NEB: variants seen among roughly 807,000 people sequenced by gnomAD.
NEB encodes the protein nemaline myopathy type 2.
In NEB, 512 loss-of-function variants were observed where a neutral mutation model predicts 952.2. The observed-to-expected ratio is 0.54, with a 90% CI of 0.50 to 0.58. The LOEUF is 0.58. Ranked by LOEUF, NEB falls within the 20% of genes least tolerant of loss-of-function variation. NEB has a pLI of 0.00. For missense variants in NEB, 8,428 were observed against 9,231.1 expected (o/e 0.91, Z 3.56); for synonymous variants, 2,900 against 3,149.8 (o/e 0.92, Z 2.66).
In NEB at chr2:151,650,280, T is replaced by C. The variant is rs2099016757; in HGVS notation, c.7327A>G (p.Ser2443Gly). ...GGAGGCTGACGATATTTCTTCTCAC[T>C]GATGATTTCCGAAGCCCGCTTGTTC... is the stretch of plus-strand genomic sequence containing the variant. ...EKNKRASEII[S>G]EKKYRQPPDR... Residue 2443 changes from serine (S) to glycine (G), a missense_variant, in exon 54 of 182, where the codon AGT becomes GGT. This residue lies in a region of NEB where 1,772 missense variants were observed against 1,960.3 expected (regional missense o/e 0.90). Coordinates refer to ENST00000397345, the MANE Select transcript of NEB (RefSeq NM_001164508.2). 1 of 1,613,908 alleles carries C rather than the reference T, an allele frequency of 6.2e-7. No individual in the cohort carries two copies. The highest frequency in any genetic ancestry group is 1.3e-5 in the African/African-American group (1 of 75,044).
chr2:151,498,168 G>T, intron 170 of NEB, 92 bp downstream of exon 170: 1 of 1,542,648 alleles, frequency 6.5e-7, no homozygotes, highest in Non-Finnish European at 8.8e-7. Flanking sequence ...AAGCAAAGAA[G>T]GGAAATGGGC....
chr2:151,499,442 C>G (rs1278459105), intron 168 of NEB, 52 bp from the exon 169 acceptor site: 4 of 960,876 alleles, frequency 4.2e-6, no homozygotes, highest in Non-Finnish European at 6.5e-6. Flanking sequence ...CAAAACAGCC[C>G]TTTCATCTAC....
Position 151,709,726 on chromosome 2 carries a change from TG to T in NEB, c.964del (p.Gln322ArgfsTer14). ...YQEDFENMKDQIYFMQTETPE... is the reference protein window; with the variant it reads ...YQEDFENMKDXIYFMQTETPE... ...TGTTTCGGTCTGCATGAAGTAGATC[TG>T]GTCTTTCATGTTTTCAAAATCTTCC... On this transcript the variant is annotated frameshift_variant, in exon 12 of 182. Coordinates refer to ENST00000397345, the MANE Select transcript of NEB (RefSeq NM_001164508.2). LOFTEE classifies it high-confidence loss of function. The T allele has an allele frequency of 6.2e-7, 1 of 1,605,506 alleles. No homozygotes were observed. Among genetic ancestry groups the T allele is most frequent in the Non-Finnish European group, 8.5e-7 (1 of 1,175,378 alleles).
At chr2:151,697,800 C>T (rs2099606880) in intron 13 of NEB, among the ~76,000 whole-genome samples, 152 bp from the exon 14 acceptor site, 1 of 152,228 alleles carries the variant, frequency 6.6e-6, no homozygotes, top group East Asian at 1.9e-4. Flanking sequence ...GGTGCGGCGG[C>T]TCACGCCTGT....
intron 173 of NEB, among the ~76,000 whole-genome samples, chr2:151,494,812 C>G (rs1196463409): frequency 6.6e-6 from 1 of 152,104 alleles, no homozygotes; most frequent in Non-Finnish European, 1.5e-5. Flanking sequence ...CCATGCCCGG[C>G]TAATTTTTGT....
chr2:151,691,947 C>G lies in NEB; in HGVS notation c.2128G>C (p.Glu710Gln). 1 of 1,611,216 alleles carries G rather than the reference C, an allele frequency of 6.2e-7. No homozygotes were observed. Among genetic ancestry groups the G allele is most frequent in the East Asian group, 2.2e-5 (1 of 44,862 alleles). Residue 710 changes from glutamate (E) to glutamine (Q), a missense_variant, in exon 23 of 182, where the codon GAA becomes CAA. Physicochemically the swap from Glu to Gln is conservative, Grantham distance 29. Coordinates refer to ENST00000397345, the MANE Select transcript of NEB (RefSeq NM_001164508.2). ...AAATAGCATTTTCCTTTATCTTCTT[C>G]ATATTCTGCTTTGTAACTTTTCTAT... is the stretch of plus-strand genomic sequence containing the variant. ...NSDKSYKAEY[E>Q]EDKGKCYFPQ...
chr2:151,616,041 T>C lies in NEB; in HGVS notation c.11250A>G (p.Pro3750=), dbSNP rs1192647879. The change falls in exon 76 of 182, where the codon CCA becomes CCG. Residue 3750 remains proline, a synonymous_variant. Coordinates refer to ENST00000397345, the MANE Select transcript of NEB (RefSeq NM_001164508.2). ...CTCTTGAAGCCTTGGCTGCTTGGAT[T>C]GGAATGGCATCCAGACGCAAGTCAT... ...EGYDLRLDAI[P]IQAAKASRDI... 2 of 1,613,338 alleles carry C rather than the reference T, an allele frequency of 1.2e-6. No homozygotes were observed. The highest frequency in any genetic ancestry group is 1.7e-6 in the Non-Finnish European group (2 of 1,179,668).
chr2:151,513,780 C>T, intron 159 of NEB, 87 bp from the exon 160 acceptor site: 1 of 882,170 alleles, frequency 1.1e-6, no homozygotes. Context: ...ATCCACATAA[C>T]ACGCCACCCC....
At chr2:151,494,809 C>T (rs572507208) in intron 173 of NEB, among the ~76,000 whole-genome samples, 47 of 152,080 alleles carry the variant, frequency 3.1e-4, no homozygotes, top group African/African-American at 9.6e-4. Flanking sequence ...CCACCATGCC[C>T]GGCTAATTTT....
chr2:151,506,918 ATTC>A lies in NEB; in HGVS notation c.23544_23546del (p.Lys7848del). On this transcript the variant is annotated inframe_deletion, in exon 163 of 182. Transcript: ENST00000397345. Reference sequence around the variant, plus strand: ...TAAATAGTAAATATACCGAGCTGAAATTCTTCTGATTTTCTTTTACACGCAGTA... The same window carrying A: ...TAAATAGTAAATATACCGAGCTGAAATTCTGATTTTCTTTTACACGCAGTA... The A allele has an allele frequency of 6.3e-7, 1 of 1,598,234 alleles. No homozygotes were observed. The highest frequency in any genetic ancestry group is 2.2e-5 in the East Asian group (1 of 44,692).
At chr2:151,631,448 C>T (rs1166224439) in intron 65 of NEB, 102 bp from the exon 66 acceptor site, 35 of 1,277,192 alleles carry the variant, frequency 2.7e-5, no homozygotes, top group South Asian at 4.7e-5. Context: ...GTTTTCTATT[C>T]GTAGAAAACA....
chr2:151,724,815 A>C, intron 7 of NEB, 42 bp downstream of exon 7: 1 of 1,522,882 alleles, frequency 6.6e-7, no homozygotes, highest in Non-Finnish European at 9.1e-7. Context: ...GAGGTGATGC[A>C]CATGCTACTG....
At chr2:151,648,947 G>C (rs932088125) in intron 54 of NEB, among the ~76,000 whole-genome samples, 2 of 152,192 alleles carry the variant, frequency 1.3e-5, no homozygotes, top group South Asian at 4.1e-4. Context: ...CCTGAGGCCT[G>C]AGAGCTCCAT....
At chr2:151,659,267 T>G (rs1227137814) in intron 46 of NEB, 98 bp from the exon 47 acceptor site, 6 of 653,954 alleles carry the variant, frequency 9.2e-6, no homozygotes, top group African/African-American at 1.9e-5. Flanking sequence ...TTTCATGTAT[T>G]TTTATTAGCT....
Position 151,572,298 on chromosome 2 carries a change from G to T in NEB, c.17014-1697C>A, listed in dbSNP as rs146257939. 5.7e-3 allele frequency among the ~76,000 whole-genome samples: 861 copies of T among 151,796 alleles called. 11 individuals are homozygous for T. Among genetic ancestry groups the T allele is most frequent in the African/African-American group, 0.02 (815 of 41,386 alleles). On this transcript the variant is annotated intron_variant, in intron 107 of 181. Coordinates refer to ENST00000397345, the MANE Select transcript of NEB (RefSeq NM_001164508.2). ...GATCACGCCACTGTACTCCAGCCTG[G>T]GTGACAGAGCAAGACTCCCTCTCAA... is the stretch of plus-strand genomic sequence containing the variant.
Position 151,570,303 on chromosome 2 carries a change from G to A in NEB, c.17208C>T (p.Leu5736=), listed in dbSNP as rs1296709078. ...ARDDNKIRWA[L]IADKLQNERE... Reference sequence around the variant, plus strand: ...GTTCATTCTGGAGCTTGTCAGCTATGAGGGCCCAGCGGATCTTGTTGTCAT... The same window carrying A: ...GTTCATTCTGGAGCTTGTCAGCTATAAGGGCCCAGCGGATCTTGTTGTCAT... The change falls in exon 109 of 182, where the codon CTC becomes CTT. Residue 5736 remains leucine, a synonymous_variant. Transcript: ENST00000397345. 3.7e-6 allele frequency: 6 copies of A among 1,612,640 alleles called. No individual in the cohort carries two copies. Among genetic ancestry groups the A allele is most frequent in the East Asian group, 4.5e-5 (2 of 44,806 alleles).
In NEB at chr2:151,516,443, GGTTT is replaced by G. The variant is rs2077759145; in HGVS notation, c.22905+12_22905+15del. 7.8e-6 allele frequency: 12 copies of G among 1,545,174 alleles called. No individual in the cohort carries two copies. Among genetic ancestry groups the G allele is most frequent in the Non-Finnish European group, 1.1e-5 (12 of 1,118,974 alleles). ...GTGATGGATCATTGTTGTGTGGTGT[GGTTT>G]TTTTGACTTACCCCACTCTGCATCT... On this transcript the variant is annotated intron_variant, in intron 157 of 181. Coordinates refer to ENST00000397345, the MANE Select transcript of NEB (RefSeq NM_001164508.2).
intron 10 of NEB, chr2:151,716,130 C>CTTTTTTTTTTTTTTTTTTTTTTTTTTTTT: frequency 2.7e-6 from 1 of 366,066 alleles, no homozygotes; most frequent in Non-Finnish European, 5.5e-6. Flanking sequence ...CACTTTCTTT[C>CTTTTTTTTTTTTTTTTTTTTTTTTTTTTT]TTTTTTTTTT....
At chr2:151,648,751 G>T (rs1027760842) in intron 54 of NEB, among the ~76,000 whole-genome samples, 5 of 152,212 alleles carry the variant, frequency 3.3e-5, no homozygotes, top group African/African-American at 1.2e-4. Context: ...GTTCCTGTGG[G>T]ACAAAATTGC....
Sources: allele counts gnomAD v4.1 joint callset (sites outside exome capture counted in the v4.1 genomes callset), GRCh38; gene constraint gnomAD v4.1.1; regional missense constraint gnomAD v4.1.1; transcripts MANE v1.5; gene names NCBI Gene and HGNC (gene_info 2026-07-23, HGNC 2026-07-21).